SGCZ: variants seen among roughly 807,000 people sequenced by gnomAD.
The protein encoded by SGCZ is sarcoglycan zeta.
SGCZ carries 40 observed loss-of-function variants against 41.3 expected under a neutral mutation model. The ratio of observed to expected loss-of-function variants is 0.97; its 90% CI spans 0.75 to 1.26. The LOEUF (loss-of-function observed/expected upper bound fraction) is 1.26, where lower values mean the gene tolerates loss of function less well. Ranked by LOEUF, SGCZ falls within the 50% of genes most tolerant of loss-of-function variation. SGCZ has a pLI of 0.00. For missense variants in SGCZ, 552 were observed against 369.8 expected (o/e 1.49, Z -4.04); for synonymous variants, 206 against 137.5 (o/e 1.50, Z -3.49).
intron 1 of SGCZ, among the ~76,000 whole-genome samples, chr8:14,867,089 C>T (rs1163839316): frequency 1.3e-5 from 2 of 152,108 alleles, no homozygotes; most frequent in Non-Finnish European, 2.9e-5. Flanking sequence ...CATTCACTAT[C>T]CTAGACAAAT....
intron 4 of SGCZ, among the ~76,000 whole-genome samples, chr8:14,208,655 T>A (rs1316112934): frequency 6.6e-6 from 1 of 152,132 alleles, no homozygotes; most frequent in Non-Finnish European, 1.5e-5. Flanking sequence ...ATTACCATTA[T>A]GAAAACAACT....
At chr8:14,813,188 T>C (rs1377783038) in intron 1 of SGCZ, among the ~76,000 whole-genome samples, 1 of 152,222 alleles carries the variant, frequency 6.6e-6, no homozygotes. Flanking sequence ...TTTTAATGCA[T>C]AAAATGATCC....
At chr8:14,998,888 G>A (rs774439759) in intron 1 of SGCZ, among the ~76,000 whole-genome samples, 9 of 152,162 alleles carry the variant, frequency 5.9e-5, no homozygotes, top group African/African-American at 2.2e-4. Context: ...GGGTTACTGA[G>A]CCAAAGAGGA....
chr8:14,963,480 A>T (rs1801033110), intron 1 of SGCZ, among the ~76,000 whole-genome samples: 1 of 151,968 alleles, frequency 6.6e-6, no homozygotes. Context: ...CGGGAATTAC[A>T]GGCGTGTGCC....
intron 2 of SGCZ, among the ~76,000 whole-genome samples, chr8:14,428,699 G>T (rs1164421819): frequency 6.6e-6 from 1 of 152,154 alleles, no homozygotes; most frequent in East Asian, 1.9e-4. Context: ...GATTTATTTG[G>T]AAATGCATGG....
intron 1 of SGCZ, among the ~76,000 whole-genome samples, chr8:15,052,085 A>G (rs1804535116): frequency 6.6e-6 from 1 of 152,210 alleles, no homozygotes; most frequent in Non-Finnish European, 1.5e-5. Context: ...CGTTGAGAAA[A>G]GCATGGTTTG....
At chr8:14,528,843 C>CA (rs1299131981) in intron 2 of SGCZ, among the ~76,000 whole-genome samples, 1 of 140,154 alleles carries the variant, frequency 7.1e-6, no homozygotes, top group Non-Finnish European at 1.5e-5. Flanking sequence ...AAAAACAAAA[C>CA]AAAAACAAAA....
intron 1 of SGCZ, among the ~76,000 whole-genome samples, chr8:14,763,086 T>C (rs549282695): frequency 6.6e-6 from 1 of 152,106 alleles, no homozygotes; most frequent in Non-Finnish European, 1.5e-5. Context: ...TTTTAAAAAT[T>C]TGTTTGTTGC....
At chr8:14,476,823 C>T (rs1801375410) in intron 2 of SGCZ, among the ~76,000 whole-genome samples, 1 of 152,132 alleles carries the variant, frequency 6.6e-6, no homozygotes, top group Non-Finnish European at 1.5e-5. Flanking sequence ...TACTTTTCGC[C>T]TTGTGCTTCA....
chr8:14,299,036 C>T (rs1394214618), intron 3 of SGCZ, among the ~76,000 whole-genome samples: 1 of 151,878 alleles, frequency 6.6e-6, no homozygotes, highest in African/African-American at 2.4e-5. Flanking sequence ...AAAAAGACCC[C>T]AACTTGTAAC....
In SGCZ at chr8:14,247,948, T is replaced by A. The variant is rs189689461; in HGVS notation, c.337-10269A>T. On this transcript the variant is annotated intron_variant, in intron 3 of 7. Transcript: ENST00000382080. The stretch of plus-strand genomic sequence containing the variant: ...ACAGCATATGTGAAAATTTACTTTA[T>A]ATAGAAAAATAGACAATCTGCAGAT... 7.2e-5 allele frequency among the ~76,000 whole-genome samples: 11 copies of A among 152,326 alleles called. No homozygotes were observed. In the East Asian group the frequency reaches 2.1e-3, roughly 29 times the overall value.
At chr8:14,251,532 C>T (rs1243696150) in intron 3 of SGCZ, among the ~76,000 whole-genome samples, 1 of 152,138 alleles carries the variant, frequency 6.6e-6, no homozygotes, top group Admixed American at 6.6e-5. Context: ...AAGAGACAGT[C>T]AGCTGCAAGC....
chr8:14,595,266 T>A (rs567015079), intron 1 of SGCZ, among the ~76,000 whole-genome samples: 1 of 152,244 alleles, frequency 6.6e-6, no homozygotes, highest in Admixed American at 6.5e-5. Flanking sequence ...AATAACAGTA[T>A]TTTTTTGGAA....
intron 2 of SGCZ, among the ~76,000 whole-genome samples, chr8:14,381,809 AC>A (rs1206629177): frequency 6.6e-6 from 1 of 151,998 alleles, no homozygotes; most frequent in Non-Finnish European, 1.5e-5. Flanking sequence ...AAAACAAAAA[AC>A]AAACAAACAA....
At chr8:14,248,146 AGTG>A (rs1220302898) in intron 3 of SGCZ, among the ~76,000 whole-genome samples, 1 of 152,204 alleles carries the variant, frequency 6.6e-6, no homozygotes, top group Non-Finnish European at 1.5e-5. Flanking sequence ...GGAACTCCCC[AGTG>A]GTGAGCTGGT....
At chr8:14,432,461 A>G (rs1482555807) in intron 2 of SGCZ, among the ~76,000 whole-genome samples, 1 of 152,222 alleles carries the variant, frequency 6.6e-6, no homozygotes, top group Admixed American at 6.5e-5. Flanking sequence ...TCTCATTCAT[A>G]AATGGGAACT....
chr8:14,401,030 A>G (rs1279974103), intron 2 of SGCZ, among the ~76,000 whole-genome samples: 3 of 152,298 alleles, frequency 2.0e-5, no homozygotes, highest in Admixed American at 1.3e-4. Context: ...ATTCACTATA[A>G]GCAGGCCAGT....
chr8:14,479,731 C>CTTCTTTT (rs1421864084), intron 2 of SGCZ, among the ~76,000 whole-genome samples: 1 of 52,976 alleles, frequency 1.9e-5, no homozygotes, highest in African/African-American at 5.1e-5. Context: ...AATTCTACTT[C>CTTCTTTT]TTTTTTTTTT....
intron 1 of SGCZ, 134 bp downstream of exon 1, chr8:15,237,451 C>T (rs896270082): frequency 4.7e-6 from 5 of 1,060,336 alleles, no homozygotes; most frequent in Non-Finnish European, 5.5e-6. Context: ...CCCGGGTGCG[C>T]GTCCCCCCAA....
Sources: allele counts gnomAD v4.1 joint callset (sites outside exome capture counted in the v4.1 genomes callset), GRCh38; gene constraint gnomAD v4.1.1; transcripts MANE v1.5; gene names NCBI Gene and HGNC (gene_info 2026-07-23, HGNC 2026-07-21).